Variants in CLDN16 observed in about 807,000 individuals in gnomAD.
CLDN16 encodes the protein claudin 16, also known as claudin-16.
CLDN16 carries 13 observed loss-of-function variants against 24.6 expected under a neutral mutation model. That is an observed-to-expected ratio of 0.53 (90% CI 0.34 to 0.84). CLDN16 has a LOEUF of 0.84. Among genes scored for constraint, CLDN16 ranks in the 40% least tolerant of loss-of-function variants. The pLI is 0.01. For missense variants in CLDN16, 298 were observed against 292.7 expected, an observed-to-expected ratio of 1.02 and a Z score of -0.13; for synonymous variants, 116 against 106.7, an observed-to-expected ratio of 1.09 and a Z score of -0.54.
intron 1 of CLDN16, 45 bp downstream of exon 1, chr3:190,388,488 T>G: frequency 6.4e-7 from 1 of 1,571,194 alleles, no homozygotes; most frequent in South Asian, 1.1e-5. Context: ...CCAGCCCAAA[T>G]TTTCGCTAAG....
intron 1 of CLDN16, among the ~76,000 whole-genome samples, chr3:190,342,773 A>G (rs1717466355): frequency 6.6e-6 from 1 of 152,206 alleles, no homozygotes; most frequent in South Asian, 2.1e-4. Context: ...TGCAAAAGAA[A>G]TACATTGGAC....
At chr3:190,311,980 T>C in the CLDN16 span, among the ~76,000 whole-genome samples, 1 of 151,024 alleles carries the variant, frequency 6.6e-6, no homozygotes, top group Non-Finnish European at 1.5e-5. Context: ...TTAGACAGTC[T>C]TCTGTTGCTT....
chr3:190,358,599 G>C (rs144371060), intron 1 of CLDN16, among the ~76,000 whole-genome samples: 209 of 152,028 alleles, frequency 1.4e-3, no homozygotes, highest in African/African-American at 4.8e-3. Context: ...GGATTTTGCA[G>C]TAAGAGCTGG....
chr3:190,321,991 A>T (rs1716934639), upstream of CLDN16: 1 of 1,613,956 alleles, frequency 6.2e-7, no homozygotes, highest in African/African-American at 1.3e-5. Context: ...CACTGCTCAG[A>T]TTCAGCAAGG....
chr3:190,324,840 CAACTT>C (rs1410235031), intron 1 of CLDN16, among the ~76,000 whole-genome samples: 1 of 152,146 alleles, frequency 6.6e-6, no homozygotes, highest in Non-Finnish European at 1.5e-5. Flanking sequence ...ATAAATCTAT[CAACTT>C]AAGAGGAAAA....
At chr3:190,355,210 G>A (rs912610661) in intron 1 of CLDN16, among the ~76,000 whole-genome samples, 2 of 151,850 alleles carry the variant, frequency 1.3e-5, no homozygotes, top group African/African-American at 2.4e-5. Flanking sequence ...TTAAATGTCT[G>A]TGATAAACAG....
At chr3:190,344,870 A>G (rs1335990430) in intron 1 of CLDN16, among the ~76,000 whole-genome samples, 1 of 152,194 alleles carries the variant, frequency 6.6e-6, no homozygotes, top group Non-Finnish European at 1.5e-5. Context: ...ATATTGGCAG[A>G]GAAGGGTCAG....
At chr3:190,302,391 T>C in the CLDN16 span, among the ~76,000 whole-genome samples, 7 of 152,208 alleles carry the variant, frequency 4.6e-5, no homozygotes, top group African/African-American at 1.7e-4. Flanking sequence ...TTTTTGTCTA[T>C]TTTATTCATG....
upstream of CLDN16, among the ~76,000 whole-genome samples, chr3:190,386,601 G>A (rs898691325): frequency 2.6e-5 from 4 of 152,134 alleles, no homozygotes; most frequent in Non-Finnish European, 5.9e-5. Flanking sequence ...ATTCAGAACA[G>A]TGTTCAATTT....
the CLDN16 span, chr3:190,310,077 A>T: frequency 9.7e-7 from 1 of 1,026,574 alleles, no homozygotes; most frequent in Admixed American, 1.8e-5. Context: ...TTGAAAGCAA[A>T]TCTGGGAAAT....
At chr3:190,381,498 C>G (rs1013854331) in intron 3 of CLDN16, among the ~76,000 whole-genome samples, 1 of 152,132 alleles carries the variant, frequency 6.6e-6, no homozygotes, top group African/African-American at 2.4e-5. Flanking sequence ...ATGCTAAACT[C>G]TGGACATACC....
chr3:190,340,524 A>G (rs115518816), intron 1 of CLDN16, among the ~76,000 whole-genome samples: 5,904 of 152,178 alleles, frequency 0.039, 382 homozygotes, highest in African/African-American at 0.13. Context: ...CCTCCCACCC[A>G]TGATTCAATT....
At chr3:190,339,095 T>C (rs1275892137) in intron 1 of CLDN16, among the ~76,000 whole-genome samples, 1 of 152,212 alleles carries the variant, frequency 6.6e-6, no homozygotes, top group Non-Finnish European at 1.5e-5. Flanking sequence ...ATAATCTATG[T>C]TCTAGAGAGC....
intron 3 of CLDN16, among the ~76,000 whole-genome samples, chr3:190,407,330 G>A (rs1719131580): frequency 1.3e-5 from 2 of 152,036 alleles, no homozygotes; most frequent in East Asian, 3.9e-4. Context: ...AGTTATTTGG[G>A]TGTTGGTGGG....
At chr3:190,377,744 G>T (rs1718275674) in intron 3 of CLDN16, among the ~76,000 whole-genome samples, 1 of 151,958 alleles carries the variant, frequency 6.6e-6, no homozygotes. Context: ...CGAGTGATAA[G>T]AGGGTGAGCG....
At chr3:190,352,610 C>A (rs150380234) in intron 1 of CLDN16, among the ~76,000 whole-genome samples, 105 of 152,194 alleles carry the variant, frequency 6.9e-4, no homozygotes, top group African/African-American at 2.3e-3. Context: ...TGCGAAAAGT[C>A]GCACAGAAAA....
At chr3:190,328,697 A>G (rs927439931) in intron 1 of CLDN16, among the ~76,000 whole-genome samples, 2 of 152,106 alleles carry the variant, frequency 1.3e-5, no homozygotes, top group African/African-American at 4.8e-5. Flanking sequence ...ACAAGATTTT[A>G]TATATAAATA....
the CLDN16 span, among the ~76,000 whole-genome samples, chr3:190,299,105 C>A: frequency 6.6e-6 from 1 of 152,140 alleles, no homozygotes; most frequent in Non-Finnish European, 1.5e-5. Flanking sequence ...TATCAGACAT[C>A]TTATATTTTG....
intron 1 of CLDN16, among the ~76,000 whole-genome samples, chr3:190,389,854 G>GT (rs1017357523): frequency 3.9e-5 from 6 of 152,138 alleles, no homozygotes; most frequent in African/African-American, 1.4e-4. Flanking sequence ...TTATAATTAT[G>GT]TTTTTTAAAA....
Sources: allele counts gnomAD v4.1 joint callset (sites outside exome capture counted in the v4.1 genomes callset), GRCh38; gene constraint gnomAD v4.1.1; transcripts MANE v1.5; gene names NCBI Gene and HGNC (gene_info 2026-07-23, HGNC 2026-07-21).